Variants in ERCC8 observed in about 807,000 individuals in gnomAD.
ERCC8 encodes ERCC excision repair 8, CSA ubiquitin ligase complex subunit.
ERCC8 carries 52 observed loss-of-function variants against 54.9 expected under a neutral mutation model. That is an observed-to-expected ratio of 0.95 (90% CI 0.76 to 1.19). The LOEUF (loss-of-function observed/expected upper bound fraction) is 1.19, where lower values mean the gene tolerates loss of function less well. Among genes scored for constraint, ERCC8 ranks in the 50% most tolerant of loss-of-function variants. The probability of loss-of-function intolerance (pLI) is 0.00; values close to 1 mark genes in which losing one functional copy is unlikely to be tolerated. For synonymous variants in ERCC8, 146 were observed against 157.2 expected, an observed-to-expected ratio of 0.93 and a Z score of 0.53; for missense variants, 514 against 466.1, an observed-to-expected ratio of 1.10 and a Z score of -0.95.
intron 9 of ERCC8, among the ~76,000 whole-genome samples, chr5:60,895,910 A>T (rs1216256895): frequency 1.3e-5 from 2 of 152,240 alleles, no homozygotes; most frequent in Non-Finnish European, 2.9e-5. Context: ...GAACCAGGGC[A>T]TTAACTTTTG....
chr5:60,887,694 T>C (rs2112472378), intron 10 of ERCC8, among the ~76,000 whole-genome samples, 174 bp from the exon 11 acceptor site: 1 of 152,354 alleles, frequency 6.6e-6, no homozygotes, highest in African/African-American at 2.4e-5. Context: ...AGTAAAGCTT[T>C]GTTTTGTATT....
intron 4 of ERCC8, among the ~76,000 whole-genome samples, chr5:60,906,476 C>A (rs866599041): frequency 2.6e-5 from 4 of 152,010 alleles, no homozygotes; most frequent in Middle Eastern, 3.2e-3. Context: ...CCCCTGTAAT[C>A]CCAGTACTTT....
chr5:60,880,725 A>T (rs10939874), intron 11 of ERCC8, among the ~76,000 whole-genome samples: 129,642 of 152,202 alleles, frequency 0.85, 55,671 homozygotes, highest in African/African-American at 0.96. Flanking sequence ...TCAGGTCGTT[A>T]AAGGACTTGT....
chr5:60,929,062 C>T, intron 1 of ERCC8, 103 bp from the exon 2 acceptor site: 1 of 713,722 alleles, frequency 1.4e-6, no homozygotes, highest in Non-Finnish European at 2.5e-6. Flanking sequence ...CAAGAAATGT[C>T]TAAATCTTCT....
intron 1 of ERCC8, among the ~76,000 whole-genome samples, chr5:60,938,953 T>C (rs1053182928): frequency 6.6e-6 from 1 of 152,210 alleles, no homozygotes; most frequent in African/African-American, 2.4e-5. Context: ...AAGAATTTTG[T>C]AAAGTATTTT....
chr5:60,913,229 T>C (rs1315063130), intron 4 of ERCC8, among the ~76,000 whole-genome samples: 1 of 152,108 alleles, frequency 6.6e-6, no homozygotes, highest in East Asian at 1.9e-4. Flanking sequence ...TCCTGGACTT[T>C]TTTTGGTTGG....
rs1028551449 is a variant in ERCC8 at position 60,867,695 on chromosome 5, G to A, written c.*6920C>T. 6.6e-6 allele frequency among the ~76,000 whole-genome samples: 1 copy of A among 152,202 alleles called. No homozygotes were observed. The highest frequency in any genetic ancestry group is 6.5e-5 in the Admixed American group (1 of 15,280). On this transcript the variant is annotated 3_prime_UTR_variant, in exon 12 of 12. Transcript: ENST00000676185. ...ATAGTGGATGATACCATCATGCAGG[G>A]TGTAGAGAAGCTGGAATTAAGTGTT...
At position 60,899,623 on chromosome 5, in the gene ERCC8, T is replaced by G; in HGVS notation, c.718+4A>C. The G allele has an allele frequency of 6.3e-7, 1 of 1,594,830 alleles. No homozygotes were observed. Among genetic ancestry groups the G allele is most frequent in the South Asian group, 1.1e-5 (1 of 90,732 alleles). ...GTCATATTTATTAATGCGTTCTTCC[T>G]TACCTGATTCAACAGCTTGTGACTT... On this transcript the variant is annotated splice_donor_region_variant and intron_variant, in intron 8 of 11. Transcript: ENST00000676185.
In ERCC8 at chr5:60,945,023, C is replaced by A; in HGVS notation, c.-15G>T. 6.2e-7 allele frequency: 1 copy of A among 1,610,538 alleles called. No individual in the cohort carries two copies. Among genetic ancestry groups the A allele is most frequent in the Non-Finnish European group, 8.5e-7 (1 of 1,176,714 alleles). On this transcript the variant is annotated 5_prime_UTR_variant, in exon 1 of 12. Coordinates refer to ENST00000676185, the MANE Select transcript of ERCC8 (RefSeq NM_000082.4). The stretch of plus-strand genomic sequence containing the variant: ...AACCCCAGCATATCGTGTCCTCACA[C>A]CGGCTGGAGCACTGGACGTCGCCAT...
In ERCC8 at chr5:60,866,620, A is replaced by G. The variant is rs1747753867; in HGVS notation, c.*7995T>C. ...TGCTTTAAAAGTGTAATTCAGGCAA[A>G]ATTCATTCCATTAGAATTTGAGTGT... On this transcript the variant is annotated 3_prime_UTR_variant, in exon 12 of 12. Coordinates refer to ENST00000676185, the MANE Select transcript of ERCC8 (RefSeq NM_000082.4). 1 of 152,182 alleles carries G rather than the reference A, an allele frequency of 6.6e-6. No individual in the cohort carries two copies. The highest frequency in any genetic ancestry group is 1.5e-5 in the Non-Finnish European group (1 of 68,026). 9.4% of individuals were successfully genotyped at this position (152,182 alleles called of 1,614,324 possible). A position where few individuals can be genotyped will look rare whatever the true frequency, so the allele number is the denominator to read the frequency against.
At chr5:60,903,373 TC>T in intron 6 of ERCC8, 1 of 394,452 alleles carries the variant, frequency 2.5e-6, no homozygotes, top group South Asian at 2.7e-5. Flanking sequence ...GTTGCATTAG[TC>T]TTTTTAATGT....
chr5:60,928,087 T>C (rs1228086725), intron 2 of ERCC8, among the ~76,000 whole-genome samples: 1 of 152,182 alleles, frequency 6.6e-6, no homozygotes, highest in Non-Finnish European at 1.5e-5. Flanking sequence ...CTGCTTCCTT[T>C]AGTTAATGCT....
At chr5:60,893,984 CTTTTTT>C (rs35254362) in intron 9 of ERCC8, among the ~76,000 whole-genome samples, 1 of 109,878 alleles carries the variant, frequency 9.1e-6, no homozygotes, top group African/African-American at 3.7e-5. Flanking sequence ...GGGAATTTAT[CTTTTTT>C]TTTTTTTTTT....
At chr5:60,904,550 G>T (rs1348559363) in intron 5 of ERCC8, among the ~76,000 whole-genome samples, 1 of 147,726 alleles carries the variant, frequency 6.8e-6, no homozygotes, top group African/African-American at 2.5e-5. Context: ...CTGAATCCTG[G>T]CCACAGCATA....
chr5:60,901,620 G>T (rs973597785), intron 7 of ERCC8, among the ~76,000 whole-genome samples: 1 of 151,956 alleles, frequency 6.6e-6, no homozygotes, highest in Non-Finnish European at 1.5e-5. Context: ...CTGTATTCAT[G>T]TCCACCTTTT....
rs1035530333 is a variant in ERCC8, at chr5:60,866,757, T to C, written c.*7858A>G. 6.6e-6 allele frequency: 1 copy of C among 152,206 alleles called. No homozygotes were observed. Among genetic ancestry groups the C allele is most frequent in the Non-Finnish European group, 1.5e-5 (1 of 68,032 alleles). 9.4% of individuals were successfully genotyped at this position (152,206 alleles called of 1,614,324 possible). On this transcript the variant is annotated 3_prime_UTR_variant, in exon 12 of 12. Transcript: ENST00000676185. ...ACCTAAGCCTCTAATTATTTATGCA[T>C]ACCATTTTTAAATGCTTTAGAAAAT...
intron 1 of ERCC8, among the ~76,000 whole-genome samples, chr5:60,934,172 T>C (rs1749995953): frequency 6.6e-6 from 1 of 152,228 alleles, no homozygotes; most frequent in African/African-American, 2.4e-5. Context: ...CTGTTTTCCA[T>C]AGTGGTGGTA....
intron 9 of ERCC8, chr5:60,892,219 GA>G: frequency 1.9e-6 from 1 of 537,370 alleles, no homozygotes; most frequent in South Asian, 1.4e-5. Context: ...AATAACCAGT[GA>G]GATCTCCAAT....
chr5:60,875,256 T>C (rs1747963430), intron 11 of ERCC8, among the ~76,000 whole-genome samples: 1 of 152,250 alleles, frequency 6.6e-6, no homozygotes, highest in South Asian at 2.1e-4. Flanking sequence ...TAAGCAGTGA[T>C]ATTTAATTAC....
Sources: allele counts gnomAD v4.1 joint callset (sites outside exome capture counted in the v4.1 genomes callset), GRCh38; gene constraint gnomAD v4.1.1; transcripts MANE v1.5; gene names NCBI Gene and HGNC (gene_info 2026-07-23, HGNC 2026-07-21).